The following EXOC6B variants were observed in gnomAD, a reference collection of about 807,000 sequenced individuals.
EXOC6B encodes the protein exocyst complex component 6B.
A neutral mutation model predicts 113.5 loss-of-function variants in EXOC6B; 54 were observed. The ratio of observed to expected loss-of-function variants is 0.48; its 90% CI spans 0.38 to 0.60. EXOC6B has a LOEUF of 0.60. Ranked by LOEUF, EXOC6B falls within the 20% of genes least tolerant of loss-of-function variation. EXOC6B has a pLI of 0.00. For synonymous variants in EXOC6B, 357 were observed against 339.0 expected (o/e 1.05, Z -0.58); for missense variants, 797 against 977.5 (o/e 0.82, Z 2.46).
rs567362769 is a variant in EXOC6B, at chr2:72,311,645, T to A, written c.2196+23302A>T. ...CATCTGCAAAATCTCTTTTACCCTA[T>A]AAGGTAACATAGTCACACATCCTAG... On this transcript the variant is annotated intron_variant, in intron 20 of 21. Coordinates refer to ENST00000272427, the MANE Select transcript of EXOC6B (RefSeq NM_015189.3). Among the ~76,000 whole-genome samples the A allele has an allele frequency of 2.0e-5, 3 of 152,250 alleles. No individual in the cohort carries two copies. In the East Asian group the frequency reaches 5.8e-4, roughly 29 times the overall value.
intron 1 of EXOC6B, among the ~76,000 whole-genome samples, chr2:72,749,113 T>C (rs1420507194): frequency 6.6e-6 from 1 of 152,056 alleles, no homozygotes; most frequent in Non-Finnish European, 1.5e-5. Context: ...GTGGTGGTCA[T>C]GAAATCTGGC....
chr2:72,546,764 G>T (rs932228513), intron 8 of EXOC6B, among the ~76,000 whole-genome samples: 1 of 152,166 alleles, frequency 6.6e-6, no homozygotes, highest in Non-Finnish European at 1.5e-5. Context: ...AGGGAATAAA[G>T]ATTTATGACA....
chr2:72,569,787 A>G (rs1330439595), intron 7 of EXOC6B, among the ~76,000 whole-genome samples: 3 of 152,154 alleles, frequency 2.0e-5, no homozygotes, highest in African/African-American at 7.2e-5. Context: ...TTTTACAATC[A>G]ATATTTTGAA....
At chr2:72,508,186 C>CAT (rs1700711616) in intron 11 of EXOC6B, among the ~76,000 whole-genome samples, 1 of 47,102 alleles carries the variant, frequency 2.1e-5, no homozygotes, top group Non-Finnish European at 4.0e-5. Flanking sequence ...AAAAAAAAAA[C>CAT]ACCTAAAAAC....
intron 20 of EXOC6B, among the ~76,000 whole-genome samples, chr2:72,332,133 G>C (rs899084653): frequency 2.0e-5 from 3 of 151,976 alleles, no homozygotes; most frequent in South Asian, 2.1e-4. Context: ...TGCACTGGGG[G>C]CAGATCCTCT....
intron 19 of EXOC6B, among the ~76,000 whole-genome samples, chr2:72,371,938 C>T (rs1030814602): frequency 1.9e-4 from 29 of 151,894 alleles, no homozygotes; most frequent in African/African-American, 6.8e-4. Flanking sequence ...AAAGCCTCCA[C>T]CAAAAAAATG....
intron 20 of EXOC6B, among the ~76,000 whole-genome samples, chr2:72,331,282 A>T (rs974273034): frequency 6.6e-6 from 1 of 152,164 alleles, no homozygotes; most frequent in Non-Finnish European, 1.5e-5. Flanking sequence ...ATTTGTACAC[A>T]GTAGGCACTT....
intron 5 of EXOC6B, 149 bp downstream of exon 5, chr2:72,730,858 T>C (rs890999508): frequency 1.8e-6 from 1 of 545,628 alleles, no homozygotes; most frequent in Non-Finnish European, 3.2e-6. Flanking sequence ...TATATATAAA[T>C]AAATCTAGAA....
At chr2:72,701,188 C>G (rs1277964534) in intron 6 of EXOC6B, among the ~76,000 whole-genome samples, 1 of 150,754 alleles carries the variant, frequency 6.6e-6, no homozygotes, top group Non-Finnish European at 1.5e-5. Context: ...ACTAAAAATA[C>G]AAAAATTAGC....
intron 19 of EXOC6B, among the ~76,000 whole-genome samples, chr2:72,364,284 A>G (rs1390722903): frequency 1.3e-5 from 2 of 152,114 alleles, no homozygotes; most frequent in African/African-American, 4.8e-5. Flanking sequence ...AAAGTAAAAT[A>G]AATGTCCATG....
intron 1 of EXOC6B, among the ~76,000 whole-genome samples, chr2:72,804,005 T>A (rs767195779): frequency 6.6e-6 from 1 of 152,144 alleles, no homozygotes; most frequent in African/African-American, 2.4e-5. Context: ...TTCATAGAGG[T>A]TAGGCTGACA....
intron 11 of EXOC6B, among the ~76,000 whole-genome samples, chr2:72,504,423 T>C (rs1301148591): frequency 2.6e-5 from 4 of 152,228 alleles, no homozygotes; most frequent in African/African-American, 9.6e-5. Flanking sequence ...ATTTTCTTTC[T>C]CGCTTCTTTC....
At chr2:72,720,094 T>C (rs752545782) in intron 5 of EXOC6B, among the ~76,000 whole-genome samples, 21 of 152,136 alleles carry the variant, frequency 1.4e-4, no homozygotes, top group Non-Finnish European at 2.8e-4. Context: ...CAGTAGACTG[T>C]GATAAGATGC....
intron 20 of EXOC6B, among the ~76,000 whole-genome samples, chr2:72,258,954 C>T (rs1683531754): frequency 6.6e-6 from 1 of 152,160 alleles, no homozygotes; most frequent in Non-Finnish European, 1.5e-5. Flanking sequence ...TATATATATT[C>T]ATCAACTATT....
intron 17 of EXOC6B, among the ~76,000 whole-genome samples, chr2:72,473,188 A>G (rs1698517596): frequency 6.6e-6 from 1 of 152,130 alleles, no homozygotes. Context: ...ATGTCTGTTA[A>G]GTCCTTTCGG....
chr2:72,327,756 G>A (rs1401360529), intron 20 of EXOC6B, among the ~76,000 whole-genome samples: 1 of 152,098 alleles, frequency 6.6e-6, no homozygotes, highest in Admixed American at 6.6e-5. Flanking sequence ...GTGAGATGAA[G>A]TCTTGGCAGT....
chr2:72,408,924 C>A (rs2105211233), intron 18 of EXOC6B, among the ~76,000 whole-genome samples: 1 of 152,228 alleles, frequency 6.6e-6, no homozygotes, highest in African/African-American at 2.4e-5. Context: ...TCAGAGTGAA[C>A]AGGCAACCTA....
chr2:72,674,011 T>C (rs1407075785), intron 6 of EXOC6B, among the ~76,000 whole-genome samples: 1 of 152,162 alleles, frequency 6.6e-6, no homozygotes, highest in Non-Finnish European at 1.5e-5. Flanking sequence ...GAAATATTCA[T>C]CTACCAATGA....
intron 5 of EXOC6B, among the ~76,000 whole-genome samples, chr2:72,723,616 C>A (rs1680134735): frequency 1.3e-5 from 2 of 151,846 alleles, no homozygotes; most frequent in East Asian, 3.9e-4. Context: ...ATATTAGTGT[C>A]ATTCCTAATC....
Sources: allele counts gnomAD v4.1 joint callset (sites outside exome capture counted in the v4.1 genomes callset), GRCh38; gene constraint gnomAD v4.1.1; transcripts MANE v1.5; gene names NCBI Gene and HGNC (gene_info 2026-07-23, HGNC 2026-07-21).